The following IGF2BP2 variants were observed in gnomAD, a reference collection of about 807,000 sequenced individuals.
IGF2BP2 encodes the protein insulin like growth factor 2 mRNA binding protein 2, also known as insulin-like growth factor 2 mRNA-binding protein 2.
Under a neutral mutation model 75.8 loss-of-function variants are expected in IGF2BP2, and 17 were observed. That is an observed-to-expected ratio of 0.22 (90% CI 0.15 to 0.34). The LOEUF is 0.34. IGF2BP2 is among the 10% of genes least tolerant of loss of function. IGF2BP2 has a pLI of 1.00. For missense variants in IGF2BP2, 516 were observed against 772.4 expected, an observed-to-expected ratio of 0.67 and a Z score of 3.93; for synonymous variants, 288 against 295.6, an observed-to-expected ratio of 0.97 and a Z score of 0.26.
chr3:185,737,885 GT>G (rs1309513016), intron 2 of IGF2BP2, among the ~76,000 whole-genome samples: 2 of 152,268 alleles, frequency 1.3e-5, no homozygotes, highest in South Asian at 4.2e-4. Flanking sequence ...TTATAACATT[GT>G]GGTGATCTCT....
chr3:185,734,424 C>T (rs976460884), intron 2 of IGF2BP2, among the ~76,000 whole-genome samples: 4 of 152,192 alleles, frequency 2.6e-5, no homozygotes, highest in African/African-American at 9.6e-5. Context: ...TCCTTACCTC[C>T]CTATTAAAGC....
At chr3:185,737,277 C>A (rs1275900953) in intron 2 of IGF2BP2, among the ~76,000 whole-genome samples, 1 of 152,192 alleles carries the variant, frequency 6.6e-6, no homozygotes, top group Non-Finnish European at 1.5e-5. Context: ...CTGTCAACAT[C>A]TTTCTGGAGC....
intron 7 of IGF2BP2, among the ~76,000 whole-genome samples, chr3:185,685,562 A>T (rs1721006320): frequency 6.6e-6 from 1 of 152,130 alleles, no homozygotes; most frequent in South Asian, 2.1e-4. Flanking sequence ...TGGAACACTC[A>T]TGTTTGACAT....
chr3:185,692,895 T>G, intron 4 of IGF2BP2, 133 bp from the exon 5 acceptor site: 1 of 711,402 alleles, frequency 1.4e-6, no homozygotes, highest in Non-Finnish European at 2.5e-6. Flanking sequence ...TCTGCATCTC[T>G]ACGTTTATTC....
At chr3:185,659,995 T>C (rs1716161592) in intron 10 of IGF2BP2, among the ~76,000 whole-genome samples, 1 of 152,110 alleles carries the variant, frequency 6.6e-6, no homozygotes, top group African/African-American at 2.4e-5. Flanking sequence ...GGTTTCACCA[T>C]GTTGGTAAGG....
At chr3:185,724,535 C>A (rs955605080) in intron 2 of IGF2BP2, 5 of 152,190 alleles carry the variant, frequency 3.3e-5, no homozygotes, top group Admixed American at 3.3e-4. Context: ...AACTGAATGA[C>A]CCTTAGCGAA....
intron 2 of IGF2BP2, among the ~76,000 whole-genome samples, chr3:185,727,303 G>A (rs896930353): frequency 1.3e-5 from 2 of 152,078 alleles, no homozygotes; most frequent in African/African-American, 4.8e-5. Context: ...GAGACGCAGA[G>A]CCCTCCGGAA....
chr3:185,811,955 G>C (rs1739949955), intron 2 of IGF2BP2, among the ~76,000 whole-genome samples: 1 of 151,486 alleles, frequency 6.6e-6, no homozygotes, highest in Non-Finnish European at 1.5e-5. Flanking sequence ...GGACTTTCAG[G>C]ACTTTCCAAG....
intron 2 of IGF2BP2, among the ~76,000 whole-genome samples, chr3:185,727,522 G>A (rs1727520719): frequency 6.6e-6 from 1 of 152,182 alleles, no homozygotes; most frequent in African/African-American, 2.4e-5. Flanking sequence ...GAACACCTCA[G>A]GGGGCCCCAG....
chr3:185,708,584 G>A (rs888916598), intron 2 of IGF2BP2, among the ~76,000 whole-genome samples: 6 of 152,170 alleles, frequency 3.9e-5, no homozygotes, highest in East Asian at 1.9e-4. Context: ...CTCCCCTGGC[G>A]CACGGCGGGG....
chr3:185,789,738 T>C lies in IGF2BP2; in HGVS notation c.239+33415A>G, dbSNP rs1320427356. 2.0e-5 allele frequency among the ~76,000 whole-genome samples: 3 copies of C among 149,012 alleles called. 1 individual carries two copies. The highest frequency in any genetic ancestry group is 1.5e-5 in the Non-Finnish European group (1 of 67,224). On this transcript the variant is annotated intron_variant, in intron 2 of 15. Coordinates refer to ENST00000382199, the MANE Select transcript of IGF2BP2 (RefSeq NM_006548.6). ...ACTAACAACCAGGAATTTTTTTTTT[T>C]TTTTTTTTTTTTTGAGACAGAATCT...
At chr3:185,759,437 C>A (rs1442354490) in intron 2 of IGF2BP2, among the ~76,000 whole-genome samples, 1 of 152,174 alleles carries the variant, frequency 6.6e-6, no homozygotes, top group South Asian at 2.1e-4. Flanking sequence ...AAATATATAG[C>A]CTCTGTAAGA....
chr3:185,698,262 T>TG, intron 3 of IGF2BP2, 37 bp downstream of exon 3: 1 of 1,567,128 alleles, frequency 6.4e-7, no homozygotes, highest in Non-Finnish European at 8.8e-7. Context: ...AAGGGAGAAA[T>TG]GTCTCATCAA....
At chr3:185,714,368 A>G (rs1192065187) in intron 2 of IGF2BP2, among the ~76,000 whole-genome samples, 1 of 152,198 alleles carries the variant, frequency 6.6e-6, no homozygotes, top group Non-Finnish European at 1.5e-5. Flanking sequence ...ATGAATATCT[A>G]TTCATCTATC....
chr3:185,687,642 T>A (rs1470361259), intron 6 of IGF2BP2, among the ~76,000 whole-genome samples: 2 of 152,208 alleles, frequency 1.3e-5, no homozygotes, highest in East Asian at 3.8e-4. Flanking sequence ...CTTTATATAT[T>A]TGAGTGTGGA....
At chr3:185,649,191 GC>G (rs1714131392) in intron 14 of IGF2BP2, among the ~76,000 whole-genome samples, 1 of 152,074 alleles carries the variant, frequency 6.6e-6, no homozygotes, top group South Asian at 2.1e-4. Context: ...CGGATTGGGG[GC>G]CCTAAGTTGT....
chr3:185,749,079 G>C (rs1018127162), intron 2 of IGF2BP2, among the ~76,000 whole-genome samples: 2 of 152,112 alleles, frequency 1.3e-5, no homozygotes, highest in African/African-American at 4.8e-5. Flanking sequence ...CAGGAGAATT[G>C]CTTGAACCTG....
At chr3:185,669,099 G>A (rs1718119890) in intron 10 of IGF2BP2, among the ~76,000 whole-genome samples, 1 of 152,132 alleles carries the variant, frequency 6.6e-6, no homozygotes, top group South Asian at 2.1e-4. Flanking sequence ...CAGACTGCGA[G>A]GAATTGGTAG....
chr3:185,660,987 T>C (rs991718458), intron 10 of IGF2BP2, among the ~76,000 whole-genome samples: 3 of 152,228 alleles, frequency 2.0e-5, no homozygotes, highest in African/African-American at 7.2e-5. Context: ...ACTTCTCACA[T>C]AAATACTATC....
Sources: allele counts gnomAD v4.1 joint callset (sites outside exome capture counted in the v4.1 genomes callset), GRCh38; gene constraint gnomAD v4.1.1; transcripts MANE v1.5; gene names NCBI Gene and HGNC (gene_info 2026-07-23, HGNC 2026-07-21).